Variants in NAALADL2 observed in about 807,000 individuals in gnomAD.
NAALADL2 encodes the protein N-acetylated alpha-linked acidic dipeptidase like 2, also known as inactive N-acetylated-alpha-linked acidic dipeptidase-like protein 2.
NAALADL2 carries 76 observed loss-of-function variants against 87.2 expected under a neutral mutation model. The observed-to-expected ratio is 0.87, with a 90% CI of 0.72 to 1.05. The LOEUF is 1.05. NAALADL2 is among the 50% of genes least tolerant of loss of function. The pLI is 0.00. For synonymous variants in NAALADL2, 354 were observed against 331.0 expected (o/e 1.07, Z -0.75); for missense variants, 1,089 against 945.8 (o/e 1.15, Z -1.99).
intron 2 of NAALADL2, among the ~76,000 whole-genome samples, chr3:174,632,582 G>A (rs1722218431): frequency 6.6e-6 from 1 of 151,992 alleles, no homozygotes; most frequent in Admixed American, 6.6e-5. Context: ...AAGGAGGTGA[G>A]GATAGGCAAT....
chr3:174,559,653 G>C (rs1361169325), intron 2 of NAALADL2, among the ~76,000 whole-genome samples: 11 of 152,140 alleles, frequency 7.2e-5, no homozygotes, highest in Admixed American at 7.2e-4. Flanking sequence ...AGCATAATTA[G>C]CTTCTGGTGA....
chr3:174,760,421 T>C (rs1712770951), intron 3 of NAALADL2, among the ~76,000 whole-genome samples: 1 of 152,262 alleles, frequency 6.6e-6, no homozygotes, highest in South Asian at 2.1e-4. Flanking sequence ...GATTTGCTCA[T>C]ACAAAGGAAC....
rs539082002 is a variant in NAALADL2 at position 174,924,700 on chromosome 3, T to C, written c.43+65250T>C. Among the ~76,000 whole-genome samples the C allele has an allele frequency of 1.3e-4, 20 of 152,268 alleles. No homozygotes were observed. In the East Asian group the frequency reaches 3.7e-3, roughly 28 times the overall value. On this transcript the variant is annotated intron_variant, in intron 1 of 13. Transcript: ENST00000454872. The stretch of plus-strand genomic sequence containing the variant: ...CCAACATTGTAGAAGTGTTCCTATT[T>C]GTCCACATCCTCTCCAGCACCTGTT...
chr3:175,256,505 T>C lies in NAALADL2; in HGVS notation c.914T>C (p.Leu305Ser), dbSNP rs750282686. The C allele has an allele frequency of 1.2e-5, 19 of 1,612,594 alleles. No homozygotes were observed. Among genetic ancestry groups the C allele is most frequent in the Admixed American group, 1.7e-5 (1 of 59,772 alleles). ...ACAAATCAGATCGCACTCCTGAAAT[T>C]AGGAAAATTGCCACTGCTTTATAAG... ...NVTNQIALLK[L>S]GKLPLLYKLS... Residue 305 changes from leucine to serine, a missense_variant, in exon 4 of 14, where the codon TTA becomes TCA. Transcript: ENST00000454872.
chr3:175,562,505 T>A (rs1398011823), intron 9 of NAALADL2, among the ~76,000 whole-genome samples: 2 of 151,992 alleles, frequency 1.3e-5, no homozygotes, highest in Non-Finnish European at 2.9e-5. Flanking sequence ...TTTTTGATAC[T>A]ATTTTTTCTT....
chr3:174,990,415 C>T lies in NAALADL2; in HGVS notation c.44-106375C>T, dbSNP rs546955630. ...AAAAATGAAGCCAAGCCTTGCGTCT[C>T]GTAGGAAATAAGGTTTTCTAAATCA... On this transcript the variant is annotated intron_variant, in intron 1 of 13. Coordinates refer to ENST00000454872, the MANE Select transcript of NAALADL2 (RefSeq NM_207015.3). 9.2e-5 allele frequency among the ~76,000 whole-genome samples: 14 copies of T among 152,160 alleles called. No homozygotes were observed. The East Asian group carries it at 1.9e-3, about 21-fold the overall frequency.
intron 2 of NAALADL2, among the ~76,000 whole-genome samples, chr3:174,672,294 C>T (rs563548393): frequency 6.6e-6 from 1 of 152,090 alleles, no homozygotes; most frequent in Non-Finnish European, 1.5e-5. Flanking sequence ...TCGTGTTTGG[C>T]TACAAATACC....
intron 4 of NAALADL2, among the ~76,000 whole-genome samples, chr3:175,309,149 C>A (rs549337931): frequency 6.6e-6 from 1 of 152,042 alleles, no homozygotes; most frequent in Non-Finnish European, 1.5e-5. Flanking sequence ...AAATTTATTT[C>A]CCTGATTGGT....
intron 3 of NAALADL2, among the ~76,000 whole-genome samples, chr3:174,750,993 TTA>T (rs1291074248): frequency 1.3e-5 from 2 of 149,668 alleles, no homozygotes; most frequent in African/African-American, 5.1e-5. Flanking sequence ...AATTATATTT[TTA>T]TGTTTTCTTC....
intron 4 of NAALADL2, among the ~76,000 whole-genome samples, chr3:175,275,474 C>T (rs963426940): frequency 3.3e-5 from 5 of 150,946 alleles, no homozygotes; most frequent in African/African-American, 4.9e-5. Context: ...TGTAGTTGGG[C>T]GGGCCATGCA....
intron 1 of NAALADL2, among the ~76,000 whole-genome samples, chr3:174,528,721 A>C (rs1447275022): frequency 6.6e-6 from 1 of 152,174 alleles, no homozygotes; most frequent in African/African-American, 2.4e-5. Context: ...ATCAAGGTGG[A>C]AGGTGAAAGG....
intron 2 of NAALADL2, among the ~76,000 whole-genome samples, chr3:174,668,951 A>G (rs1427062276): frequency 3.9e-5 from 6 of 152,112 alleles, no homozygotes; most frequent in Admixed American, 2.0e-4. Flanking sequence ...GGGATGGCTG[A>G]GTCAAATGGT....
At chr3:174,895,520 G>A (rs1053914835) in intron 1 of NAALADL2, among the ~76,000 whole-genome samples, 1 of 152,054 alleles carries the variant, frequency 6.6e-6, no homozygotes, top group African/African-American at 2.4e-5. Flanking sequence ...CAAGTAATGA[G>A]ATGGTAGCCA....
chr3:175,112,598 A>C (rs1008484712), intron 2 of NAALADL2: 2 of 151,668 alleles, frequency 1.3e-5, no homozygotes, highest in African/African-American at 2.4e-5. Context: ...CATACTATAA[A>C]GACACATAAA....
chr3:175,035,901 A>G (rs2108939448), intron 1 of NAALADL2, among the ~76,000 whole-genome samples: 1 of 152,302 alleles, frequency 6.6e-6, no homozygotes, highest in Admixed American at 6.5e-5. Context: ...CTAAATTTTA[A>G]GAAACTGCCT....
At chr3:175,499,562 T>C (rs941046156) in intron 9 of NAALADL2, among the ~76,000 whole-genome samples, 2 of 152,050 alleles carry the variant, frequency 1.3e-5, no homozygotes, top group Non-Finnish European at 2.9e-5. Context: ...ACTTGGTATT[T>C]TTTTGCACCC....
chr3:175,300,287 G>A lies in NAALADL2; in HGVS notation c.940-23888G>A, dbSNP rs113273724. ...TGTCTCTGCTAGGTTTTCGTATCAG[G>A]ATGATGCTGGCCTCATAAAACGAGT... is the stretch of plus-strand genomic sequence containing the variant. On this transcript the variant is annotated intron_variant, in intron 4 of 13. Coordinates refer to ENST00000454872, the MANE Select transcript of NAALADL2 (RefSeq NM_207015.3). Among the ~76,000 whole-genome samples the A allele has an allele frequency of 2.1e-3, 316 of 152,268 alleles. 4 individuals carry two copies. The highest frequency in any genetic ancestry group is 0.011 in the South Asian group (52 of 4,832).
chr3:174,787,355 G>A (rs2109179380), intron 3 of NAALADL2, among the ~76,000 whole-genome samples: 2 of 150,930 alleles, frequency 1.3e-5, no homozygotes, highest in African/African-American at 4.8e-5. Context: ...TAAATTATTG[G>A]ATTTCTTCAT....
chr3:174,768,131 C>A (rs1282669574), intron 3 of NAALADL2, among the ~76,000 whole-genome samples: 1 of 152,176 alleles, frequency 6.6e-6, no homozygotes, highest in Admixed American at 6.5e-5. Flanking sequence ...CCCTTTCTGG[C>A]AAGTTATAAC....
Sources: gnomAD v4.1 joint callset for allele counts (sites outside exome capture counted in the v4.1 genomes callset) on GRCh38, gnomAD v4.1.1 for gene constraint, MANE v1.5 for transcripts, NCBI Gene and HGNC (gene_info 2026-07-23, HGNC 2026-07-21) for gene names.